The following SUGCT variants were observed in gnomAD, a reference collection of about 807,000 sequenced individuals.
The protein encoded by SUGCT is succinyl-CoA:glutarate-CoA transferase.
SUGCT carries 41 observed loss-of-function variants against 55.0 expected under a neutral mutation model. That is an observed-to-expected ratio of 0.74 (90% CI 0.58 to 0.97). The LOEUF (loss-of-function observed/expected upper bound fraction) is 0.97. Among genes scored for constraint, SUGCT ranks in the 50% least tolerant of loss-of-function variants. The pLI is 0.00. For synonymous variants in SUGCT, 187 were observed against 200.4 expected, an observed-to-expected ratio of 0.93 and a Z score of 0.56; for missense variants, 568 against 547.8, an observed-to-expected ratio of 1.04 and a Z score of -0.37.
chr7:40,480,844 C>CTA (rs1331367006), intron 11 of SUGCT, among the ~76,000 whole-genome samples: 2 of 152,010 alleles, frequency 1.3e-5, no homozygotes, highest in Non-Finnish European at 1.5e-5. Flanking sequence ...AGGTAGTGAT[C>CTA]TATAGATTGG....
At position 40,135,136 on chromosome 7, in the gene SUGCT, C is replaced by T; in HGVS notation, c.100+16C>T. 1 of 1,540,010 alleles carries T rather than the reference C, an allele frequency of 6.5e-7. No individual in the cohort carries two copies. The highest frequency in any genetic ancestry group is 8.8e-7 in the Non-Finnish European group (1 of 1,142,500). ...CCGCAGTCAGGTACCCTCCGAGATTCGGTCTGGGTGGCTAAAGGGATCCCT... is the reference window on the plus strand; with the variant it reads ...CCGCAGTCAGGTACCCTCCGAGATTTGGTCTGGGTGGCTAAAGGGATCCCT... On this transcript the variant is annotated intron_variant, in intron 1 of 13. Transcript: ENST00000335693.
In SUGCT at chr7:40,465,173, CTTAAA is replaced by C. The variant is rs1261823544; in HGVS notation, c.986+5980_986+5984del. Among the ~76,000 whole-genome samples, 11 of 152,260 alleles carry C rather than the reference CTTAAA, an allele frequency of 7.2e-5. No individual in the cohort carries two copies. The East Asian group carries it at 2.1e-3, about 29-fold the overall frequency. On this transcript the variant is annotated intron_variant, in intron 11 of 13. Coordinates refer to ENST00000335693, the MANE Select transcript of SUGCT (RefSeq NM_001193313.2). ...TTGGTTTGGAATGATTTGGTTATTT[CTTAAA>C]TTAAGTTTTTGATTTTTAATTGTCT...
intron 13 of SUGCT, among the ~76,000 whole-genome samples, chr7:40,780,252 T>C (rs1789666914): frequency 6.6e-6 from 1 of 152,204 alleles, no homozygotes; most frequent in South Asian, 2.1e-4. Flanking sequence ...ATTTCCTTTT[T>C]ATAATCGTGC....
At chr7:40,490,453 TG>T (rs1490538617) in intron 11 of SUGCT, among the ~76,000 whole-genome samples, 1 of 152,192 alleles carries the variant, frequency 6.6e-6, no homozygotes, top group African/African-American at 2.4e-5. Context: ...AAATTGTGAA[TG>T]TAGGGCAATT....
intron 12 of SUGCT, among the ~76,000 whole-genome samples, chr7:40,595,775 G>T (rs1057074520): frequency 1.3e-5 from 2 of 152,264 alleles, no homozygotes; most frequent in Middle Eastern, 3.4e-3. Context: ...ATATGGAGAT[G>T]ATCTTTGCTA....
chr7:40,338,445 C>G (rs1246360014), intron 9 of SUGCT, among the ~76,000 whole-genome samples: 4 of 152,084 alleles, frequency 2.6e-5, no homozygotes, highest in Admixed American at 6.6e-5. Context: ...CTTTGTTCGT[C>G]TCTTTATATT....
At chr7:40,548,143 T>C (rs142914709) in intron 12 of SUGCT, among the ~76,000 whole-genome samples, 1,937 of 151,496 alleles carry the variant, frequency 0.013, 34 homozygotes, top group South Asian at 0.023. Flanking sequence ...TTAATTTTAA[T>C]CCTCCAAATA....
chr7:40,405,537 G>C (rs200907138), intron 9 of SUGCT, among the ~76,000 whole-genome samples: 2 of 152,064 alleles, frequency 1.3e-5, no homozygotes, highest in African/African-American at 4.8e-5. Flanking sequence ...GGAGCTGGGC[G>C]TGGTGGCTTA....
At chr7:40,948,362 C>T in the SUGCT span, among the ~76,000 whole-genome samples, 30 of 152,218 alleles carry the variant, frequency 2.0e-4, no homozygotes, top group Non-Finnish European at 2.6e-4. Context: ...ATGATTCATG[C>T]CACTTAGACT....
At chr7:40,495,846 T>C (rs1012448846) in intron 11 of SUGCT, among the ~76,000 whole-genome samples, 2 of 152,212 alleles carry the variant, frequency 1.3e-5, no homozygotes, top group African/African-American at 2.4e-5. Flanking sequence ...TTGTGTACTT[T>C]TCCCAAAGCT....
intron 13 of SUGCT, among the ~76,000 whole-genome samples, chr7:40,800,405 C>T (rs566654146): frequency 6.6e-6 from 1 of 151,926 alleles, no homozygotes; most frequent in Admixed American, 6.6e-5. Context: ...TCTCCTGCCT[C>T]AGCCTCTCGA....
chr7:40,716,550 T>C (rs978392136), intron 12 of SUGCT, among the ~76,000 whole-genome samples: 2 of 152,232 alleles, frequency 1.3e-5, no homozygotes, highest in African/African-American at 2.4e-5. Context: ...GCTTTAAATA[T>C]GTGAGCACAA....
chr7:40,718,624 G>A (rs1370473271), intron 12 of SUGCT, among the ~76,000 whole-genome samples: 2 of 152,106 alleles, frequency 1.3e-5, no homozygotes, highest in African/African-American at 4.8e-5. Context: ...CAATAAAAAG[G>A]GAGCAAAATA....
the SUGCT span, among the ~76,000 whole-genome samples, chr7:40,866,922 A>T: frequency 1.3e-5 from 2 of 151,856 alleles, no homozygotes; most frequent in Non-Finnish European, 2.9e-5. Flanking sequence ...ATGAGGTGAA[A>T]TGAGTAGCTT....
intron 9 of SUGCT, among the ~76,000 whole-genome samples, chr7:40,339,713 C>G (rs1431494406): frequency 6.6e-6 from 1 of 152,186 alleles, no homozygotes; most frequent in South Asian, 2.1e-4. Context: ...TGATGCTTCA[C>G]CTTGCCTTGG....
At chr7:40,150,334 C>T (rs912728551) in intron 1 of SUGCT, among the ~76,000 whole-genome samples, 1 of 152,208 alleles carries the variant, frequency 6.6e-6, no homozygotes, top group Non-Finnish European at 1.5e-5. Context: ...GCACTCCTGG[C>T]TCACTGGCTC....
chr7:41,028,945 A>G, the SUGCT span, among the ~76,000 whole-genome samples: 1 of 152,192 alleles, frequency 6.6e-6, no homozygotes, highest in African/African-American at 2.4e-5. Flanking sequence ...GTTAATTGGA[A>G]TTCTCTCTAA....
chr7:40,339,544 C>T (rs1458338543), intron 9 of SUGCT, among the ~76,000 whole-genome samples: 2 of 152,170 alleles, frequency 1.3e-5, no homozygotes, highest in African/African-American at 4.8e-5. Context: ...ACCCTCTGAG[C>T]CAGGTGTGGG....
At chr7:40,949,900 G>A in the SUGCT span, among the ~76,000 whole-genome samples, 11 of 152,260 alleles carry the variant, frequency 7.2e-5, no homozygotes, top group Admixed American at 1.3e-4. Flanking sequence ...GATGCCTCTA[G>A]CTTTGTTCTT....
Sources: allele counts gnomAD v4.1 joint callset (sites outside exome capture counted in the v4.1 genomes callset), GRCh38; gene constraint gnomAD v4.1.1; transcripts MANE v1.5; gene names NCBI Gene and HGNC (gene_info 2026-07-23, HGNC 2026-07-21).